Variants in ZBTB7C observed in about 807,000 individuals in gnomAD.
ZBTB7C encodes the protein zinc finger and BTB domain-containing protein 7C.
Under a neutral mutation model 25.7 loss-of-function variants are expected in ZBTB7C, and 8 were observed. That is an observed-to-expected ratio of 0.31 (90% CI 0.18 to 0.56). The LOEUF is 0.56. Among genes scored for constraint, ZBTB7C ranks in the 20% least tolerant of loss-of-function variants. ZBTB7C has a pLI of 0.91. For synonymous variants in ZBTB7C, 394 were observed against 369.0 expected, an observed-to-expected ratio of 1.07 and a Z score of -0.78; for missense variants, 824 against 855.2, an observed-to-expected ratio of 0.96 and a Z score of 0.46.
chr18:48,185,920 A>G lies in ZBTB7C; in HGVS notation c.-17+14T>C, dbSNP rs2145130528. 6.6e-6 allele frequency: 1 copy of G among 152,256 alleles called. No homozygotes were observed. Among genetic ancestry groups the G allele is most frequent in the East Asian group, 1.9e-4 (1 of 5,198 alleles). The allele number at this position is 152,256 out of a possible 1,614,324, so 9.4% of individuals were successfully genotyped here. A position where few individuals can be genotyped will look rare whatever the true frequency, so the allele number is the denominator to read the frequency against. ...GTTAAGCCACAGAACTAAAAAAGCA[A>G]AATTCATACTCACAAGCACCGATGC... is the stretch of plus-strand genomic sequence containing the variant. On this transcript the variant is annotated intron_variant, in intron 3 of 4. Coordinates refer to ENST00000590800, the MANE Select transcript of ZBTB7C (RefSeq NM_001318841.2).
At chr18:48,268,110 A>C (rs1196183240) in intron 2 of ZBTB7C, among the ~76,000 whole-genome samples, 4 of 152,242 alleles carry the variant, frequency 2.6e-5, no homozygotes, top group African/African-American at 9.6e-5. Flanking sequence ...TAGGCAAATG[A>C]GAACAAGTTT....
intron 2 of ZBTB7C, among the ~76,000 whole-genome samples, chr18:48,301,615 C>T (rs1001983337): frequency 3.3e-5 from 5 of 152,168 alleles, no homozygotes; most frequent in Non-Finnish European, 4.4e-5. Context: ...CACTAGCCAA[C>T]ATAGTGAGCC....
chr18:48,059,700 T>C (rs1030021960), intron 3 of ZBTB7C, among the ~76,000 whole-genome samples: 1 of 152,182 alleles, frequency 6.6e-6, no homozygotes, highest in Non-Finnish European at 1.5e-5. Flanking sequence ...CCTTTCAGCT[T>C]TCCTGACACT....
intron 2 of ZBTB7C, among the ~76,000 whole-genome samples, chr18:48,224,681 C>T (rs2043045383): frequency 6.6e-6 from 1 of 152,208 alleles, no homozygotes. Context: ...ACTTACTAGC[C>T]ATGGGCAAGC....
At chr18:48,066,904 C>T (rs1216337072) in intron 3 of ZBTB7C, among the ~76,000 whole-genome samples, 1 of 152,104 alleles carries the variant, frequency 6.6e-6, no homozygotes, top group African/African-American at 2.4e-5. Context: ...GAGTTTGGGA[C>T]CAGCCTGGGC....
At chr18:48,228,106 AAGTTAGATGG>A (rs1238980448) in intron 2 of ZBTB7C, among the ~76,000 whole-genome samples, 1 of 152,158 alleles carries the variant, frequency 6.6e-6, no homozygotes, top group African/African-American at 2.4e-5. Flanking sequence ...GCCATTAAGC[AAGTTAGATGG>A]GGCAGGAAGC....
In ZBTB7C at chr18:48,366,543, G is replaced by A. The variant is rs553504929; in HGVS notation, c.-303-28145C>T. The stretch of plus-strand genomic sequence containing the variant: ...ATTTGCAACATACATGGCACGCAGT[G>A]GACTAATTTCCTTGCTACGTAATTA... On this transcript the variant is annotated intron_variant, in intron 1 of 4. Coordinates refer to ENST00000590800, the MANE Select transcript of ZBTB7C (RefSeq NM_001318841.2). Among the ~76,000 whole-genome samples the A allele has an allele frequency of 8.6e-4, 131 of 152,240 alleles. 1 individual carries two copies. The highest frequency in any genetic ancestry group is 1.3e-3 in the Admixed American group (20 of 15,310).
At chr18:48,358,901 C>T (rs77415232) in intron 1 of ZBTB7C, among the ~76,000 whole-genome samples, 2,351 of 152,300 alleles carry the variant, frequency 0.015, 20 homozygotes, top group Non-Finnish European at 0.025. Context: ...GTCCCGGTTT[C>T]CTCCTCCCTT....
chr18:48,137,016 C>T (rs1598949356), intron 3 of ZBTB7C: 2 of 985,198 alleles, frequency 2.0e-6, no homozygotes, highest in East Asian at 1.1e-4. Flanking sequence ...CCTGGCCGCC[C>T]CGGGGACGCC....
At chr18:48,212,549 G>A (rs1274197555) in intron 2 of ZBTB7C, among the ~76,000 whole-genome samples, 2 of 152,124 alleles carry the variant, frequency 1.3e-5, no homozygotes, top group East Asian at 3.9e-4. Context: ...AGGGGCCAGG[G>A]GGGATGTCAA....
At chr18:48,412,406 A>G (rs2048387893), upstream of ZBTB7C, among the ~76,000 whole-genome samples, 1 of 152,176 alleles carries the variant, frequency 6.6e-6, no homozygotes. Context: ...TATGCAATAT[A>G]TTTTGTTGTA....
chr18:48,206,233 A>C (rs375922679), intron 2 of ZBTB7C, among the ~76,000 whole-genome samples: 12 of 152,350 alleles, frequency 7.9e-5, no homozygotes, highest in African/African-American at 2.6e-4. Flanking sequence ...TATGGTGTAT[A>C]GGTTCAAGTA....
chr18:48,181,643 C>T (rs1364189018), intron 3 of ZBTB7C, among the ~76,000 whole-genome samples: 1 of 152,190 alleles, frequency 6.6e-6, no homozygotes, highest in Non-Finnish European at 1.5e-5. Flanking sequence ...AGCTTGCTGC[C>T]CTCTGGCTGT....
intron 3 of ZBTB7C, among the ~76,000 whole-genome samples, chr18:48,044,001 G>T (rs1473469743): frequency 2.0e-5 from 3 of 152,172 alleles, no homozygotes; most frequent in Admixed American, 6.5e-5. Context: ...AGAGGAGAAG[G>T]ATCCAGCATG....
intron 2 of ZBTB7C, among the ~76,000 whole-genome samples, chr18:48,194,618 C>G (rs937350619): frequency 7.9e-5 from 12 of 152,090 alleles, no homozygotes; most frequent in African/African-American, 2.9e-4. Flanking sequence ...GCAGTCTAGA[C>G]AGGGGAGATT....
intron 1 of ZBTB7C, among the ~76,000 whole-genome samples, chr18:48,358,989 C>T (rs997355743): frequency 3.3e-5 from 5 of 152,172 alleles, no homozygotes; most frequent in African/African-American, 9.7e-5. Flanking sequence ...GATGCAGTAG[C>T]CCCTGTCTCC....
rs563101603 is a variant in ZBTB7C at position 48,365,258 on chromosome 18, C to G, written c.-303-26860G>C. 2.0e-5 allele frequency among the ~76,000 whole-genome samples: 3 copies of G among 152,300 alleles called. No homozygotes were observed. The South Asian group carries it at 6.2e-4, about 32-fold the overall frequency. On this transcript the variant is annotated intron_variant, in intron 1 of 4. Coordinates refer to ENST00000590800, the MANE Select transcript of ZBTB7C (RefSeq NM_001318841.2). ...ATTTCACTCATGTGGAAGTACAGAT[C>G]TGGGATAAAGTCTGGGTCAAAGGGT...
intron 3 of ZBTB7C, among the ~76,000 whole-genome samples, chr18:48,152,002 T>A (rs2040693985): frequency 6.6e-6 from 1 of 151,942 alleles, no homozygotes; most frequent in Admixed American, 6.6e-5. Context: ...GAGGACACTG[T>A]AGGAGGATGG....
chr18:48,046,834 G>A (rs921527523), intron 3 of ZBTB7C, among the ~76,000 whole-genome samples: 3 of 152,196 alleles, frequency 2.0e-5, no homozygotes, highest in African/African-American at 7.2e-5. Flanking sequence ...GTCTCATCAT[G>A]TGATAGGATG....
Sources: allele counts gnomAD v4.1 joint callset (sites outside exome capture counted in the v4.1 genomes callset), GRCh38; gene constraint gnomAD v4.1.1; transcripts MANE v1.5; gene names NCBI Gene and HGNC (gene_info 2026-07-23, HGNC 2026-07-21).